Variants in STXBP4 observed in about 807,000 individuals in gnomAD.
STXBP4 encodes the protein syntaxin-binding protein 4.
STXBP4 carries 55 observed loss-of-function variants against 76.1 expected under a neutral mutation model. That is an observed-to-expected ratio of 0.72 (90% confidence interval 0.58 to 0.91). The LOEUF is 0.91. STXBP4 is among the 40% of genes least tolerant of loss of function. The pLI, the probability that STXBP4 is intolerant of heterozygous loss-of-function variation, is 0.00. For missense variants in STXBP4, 618 were observed against 636.9 expected, an observed-to-expected ratio of 0.97 and a Z score of 0.32; for synonymous variants, 201 against 220.2, an observed-to-expected ratio of 0.91 and a Z score of 0.77.
At chr17:55,065,503 G>A (rs2079040506) in intron 12 of STXBP4, among the ~76,000 whole-genome samples, 1 of 152,106 alleles carries the variant, frequency 6.6e-6, no homozygotes, top group African/African-American at 2.4e-5. Context: ...CCCGGAAGTT[G>A]CTTTTGAATT....
intron 10 of STXBP4, among the ~76,000 whole-genome samples, chr17:55,037,247 T>C (rs1002977641): frequency 1.3e-5 from 2 of 152,134 alleles, no homozygotes; most frequent in Admixed American, 1.3e-4. Flanking sequence ...GGGAGCATTG[T>C]TTTTTACTGC....
chr17:55,071,659 C>T (rs2079121210), intron 12 of STXBP4, among the ~76,000 whole-genome samples: 1 of 152,122 alleles, frequency 6.6e-6, no homozygotes, highest in Non-Finnish European at 1.5e-5. Context: ...ACCCCCAGTA[C>T]CTGAAACAGA....
intron 16 of STXBP4, among the ~76,000 whole-genome samples, chr17:55,112,226 C>A (rs1487077762): frequency 6.6e-6 from 1 of 152,124 alleles, no homozygotes; most frequent in Non-Finnish European, 1.5e-5. Context: ...AGCCACAGGT[C>A]TCTGCTTTAA....
chr17:55,140,529 G>A (rs372373001), intron 16 of STXBP4, among the ~76,000 whole-genome samples: 1 of 152,120 alleles, frequency 6.6e-6, no homozygotes, highest in African/African-American at 2.4e-5. Context: ...AAACCACTGT[G>A]TTCTAGAAAC....
At chr17:54,981,448 A>G (rs182812589) in intron 1 of STXBP4, among the ~76,000 whole-genome samples, 11 of 152,214 alleles carry the variant, frequency 7.2e-5, no homozygotes, top group Admixed American at 6.5e-4. Context: ...GAGATTTTGT[A>G]TATGATGAAA....
the STXBP4 span, among the ~76,000 whole-genome samples, chr17:55,179,802 C>T: frequency 1.3e-5 from 2 of 152,016 alleles, no homozygotes; most frequent in African/African-American, 4.8e-5. Context: ...ATGTTACATA[C>T]AAAATATGTG....
At chr17:55,048,559 G>C (rs563030840) in intron 12 of STXBP4, among the ~76,000 whole-genome samples, 3 of 151,596 alleles carry the variant, frequency 2.0e-5, no homozygotes, top group African/African-American at 7.2e-5. Flanking sequence ...TAAGCATTTG[G>C]GCTATGAAAA....
chr17:55,181,588 A>G, the STXBP4 span, among the ~76,000 whole-genome samples: 1 of 152,232 alleles, frequency 6.6e-6, no homozygotes, highest in Non-Finnish European at 1.5e-5. Context: ...ATAATTAAAT[A>G]GCATCTGAAA....
rs1485632190 is a variant in STXBP4 at position 55,173,215 on chromosome 17, A to G, written c.*13304A>G. The G allele has an allele frequency of 6.6e-6, 1 of 152,118 alleles. No homozygotes were observed. The highest frequency in any genetic ancestry group is 1.5e-5 in the Non-Finnish European group (1 of 68,018). The allele number at this position is 152,118 out of a possible 1,614,324, so 9.4% of individuals were successfully genotyped here. A position where few individuals can be genotyped will look rare whatever the true frequency, so the allele number is the denominator to read the frequency against. On this transcript the variant is annotated 3_prime_UTR_variant, in exon 18 of 18. Transcript: ENST00000376352. ...TGCAGAAAAAAGTGACTTTTGGGGG[A>G]GTGCAGAGTTCTATGAATTTTTAAC...
chr17:55,056,979 A>G lies in STXBP4; in HGVS notation c.1011+9825A>G, dbSNP rs80037203. Among the ~76,000 whole-genome samples the G allele has an allele frequency of 4.6e-3, 695 of 152,330 alleles. 6 individuals are homozygous for G. The highest frequency in any genetic ancestry group is 0.016 in the African/African-American group (659 of 41,578). ...TTATGTAACACTATCAATAATTAAG[A>G]TCTGCATATTAGCTTATAGTAGAAA... On this transcript the variant is annotated intron_variant, in intron 12 of 17. Coordinates refer to ENST00000376352, the MANE Select transcript of STXBP4 (RefSeq NM_178509.6).
intron 7 of STXBP4, among the ~76,000 whole-genome samples, chr17:55,003,691 C>G (rs984524837): frequency 2.0e-5 from 3 of 151,992 alleles, no homozygotes; most frequent in African/African-American, 7.3e-5. Flanking sequence ...AAAATCATCC[C>G]AAAGTGTAAA....
intron 12 of STXBP4, among the ~76,000 whole-genome samples, chr17:55,050,379 C>A (rs764882832): frequency 1.1e-4 from 16 of 152,068 alleles, no homozygotes; most frequent in Non-Finnish European, 2.4e-4. Context: ...TACTCAATCT[C>A]TTTCTCTCAT....
At chr17:55,190,203 A>G in the STXBP4 span, among the ~76,000 whole-genome samples, 17 of 152,172 alleles carry the variant, frequency 1.1e-4, no homozygotes, top group African/African-American at 3.9e-4. Context: ...TGTGACAGGT[A>G]TTGTCCTGAA....
At chr17:55,030,626 C>T (rs907483616) in intron 8 of STXBP4, among the ~76,000 whole-genome samples, 35 of 152,252 alleles carry the variant, frequency 2.3e-4, no homozygotes, top group African/African-American at 7.9e-4. Context: ...GATACCAAAA[C>T]GAGAAAGAAC....
At chr17:55,013,968 T>G (rs1226191236) in intron 8 of STXBP4, among the ~76,000 whole-genome samples, 5 of 152,100 alleles carry the variant, frequency 3.3e-5, no homozygotes, top group Admixed American at 3.3e-4. Context: ...AAGCAGAGTA[T>G]AAGGGTTAGG....
intron 5 of STXBP4, 82 bp downstream of exon 5, chr17:54,999,533 T>C (rs943305381): frequency 2.1e-6 from 3 of 1,436,502 alleles, no homozygotes; most frequent in Non-Finnish European, 2.9e-6. Flanking sequence ...TTAAGTACTT[T>C]ATAATAAGTA....
At chr17:55,127,649 CTAT>C (rs1375580688) in intron 16 of STXBP4, among the ~76,000 whole-genome samples, 2 of 152,038 alleles carry the variant, frequency 1.3e-5, no homozygotes, top group African/African-American at 4.8e-5. Flanking sequence ...TTCATGAGAG[CTAT>C]TATTTGAAAA....
intron 16 of STXBP4, among the ~76,000 whole-genome samples, chr17:55,089,544 T>C (rs1420337777): frequency 6.6e-6 from 1 of 152,214 alleles, no homozygotes; most frequent in Middle Eastern, 3.2e-3. Flanking sequence ...GAAAACAGAA[T>C]AGGCATTTTT....
Position 55,000,830 on chromosome 17 carries a change from C to G in STXBP4, c.521C>G (p.Thr174Arg). ...CAGATAAAAACTGGATACAACAAAA[C>G]AGTACAGATTCCAATTACTTCAGAA... ...SCEIKTGYNK[T>R]VQIPITSENS... The change falls in exon 7 of 18, where the codon ACA becomes AGA. Residue 174 changes from threonine to arginine, a missense_variant. Transcript: ENST00000376352. 1.2e-6 allele frequency: 2 copies of G among 1,610,664 alleles called. No individual in the cohort carries two copies. Among genetic ancestry groups the G allele is most frequent in the Non-Finnish European group, 8.5e-7 (1 of 1,177,246 alleles).
Sources: allele counts gnomAD v4.1 joint callset (sites outside exome capture counted in the v4.1 genomes callset), GRCh38; gene constraint gnomAD v4.1.1; transcripts MANE v1.5; gene names NCBI Gene and HGNC (gene_info 2026-07-23, HGNC 2026-07-21).